The following TBCK variants were observed in gnomAD, a reference collection of about 807,000 sequenced individuals.
The protein encoded by TBCK is TBC domain-containing protein kinase-like protein.
Under a neutral mutation model 113.4 loss-of-function variants are expected in TBCK, and 99 were observed. The ratio of observed to expected loss-of-function variants is 0.87; its 90% CI spans 0.74 to 1.03. The LOEUF is 1.03. Ranked by LOEUF, TBCK falls within the 50% of genes least tolerant of loss-of-function variation. The pLI, the probability that TBCK is intolerant of heterozygous loss-of-function variation, is 0.00. For missense variants in TBCK, 1,045 were observed against 1,061.3 expected (o/e 0.98, Z 0.21); for synonymous variants, 369 against 370.8 (o/e 1.00, Z 0.05).
intron 25 of TBCK, among the ~76,000 whole-genome samples, chr4:106,058,302 G>A (rs1230111522): frequency 6.6e-6 from 1 of 151,776 alleles, no homozygotes; most frequent in Non-Finnish European, 1.5e-5. Flanking sequence ...AGTAAGTGGA[G>A]CATGAAAAGT....
At chr4:106,153,338 T>A (rs1748736507) in intron 23 of TBCK, among the ~76,000 whole-genome samples, 1 of 152,118 alleles carries the variant, frequency 6.6e-6, no homozygotes, top group Admixed American at 6.6e-5. Context: ...AAGAGCATGC[T>A]GTTTAATTTC....
chr4:106,185,963 ATAAG>A (rs1271031391), intron 22 of TBCK, among the ~76,000 whole-genome samples: 1 of 152,092 alleles, frequency 6.6e-6, no homozygotes, highest in Non-Finnish European at 1.5e-5. Flanking sequence ...GTTTCTACTT[ATAAG>A]TGAGAACATG....
At chr4:106,279,224 T>C (rs1283443215) in intron 3 of TBCK, among the ~76,000 whole-genome samples, 2 of 152,214 alleles carry the variant, frequency 1.3e-5, no homozygotes, top group Non-Finnish European at 2.9e-5. Context: ...AAGGAACTGA[T>C]TGAATACAGA....
At chr4:106,089,026 G>A (rs1373991066) in intron 25 of TBCK, among the ~76,000 whole-genome samples, 1 of 129,464 alleles carries the variant, frequency 7.7e-6, no homozygotes, top group Non-Finnish European at 1.6e-5. Flanking sequence ...TGCATGTTCT[G>A]TACATGTATC....
chr4:106,060,894 G>C (rs934884325), intron 25 of TBCK, among the ~76,000 whole-genome samples: 1 of 151,844 alleles, frequency 6.6e-6, no homozygotes, highest in South Asian at 2.1e-4. Flanking sequence ...TGACTTTGAG[G>C]AGTTCAAGAC....
intron 25 of TBCK, among the ~76,000 whole-genome samples, chr4:106,064,526 A>G (rs1578787322): frequency 6.6e-6 from 1 of 151,902 alleles, no homozygotes; most frequent in East Asian, 1.9e-4. Context: ...ATTTAAGGGT[A>G]AGATGAACTG....
chr4:106,114,701 T>C (rs944806493), intron 24 of TBCK, among the ~76,000 whole-genome samples: 6 of 152,222 alleles, frequency 3.9e-5, no homozygotes, highest in Admixed American at 2.6e-4. Flanking sequence ...GAAATATCTT[T>C]AAGATTAAAA....
At chr4:106,235,228 T>G (rs780245578) in intron 15 of TBCK, 41 bp downstream of exon 15, 1 of 1,374,236 alleles carries the variant, frequency 7.3e-7, no homozygotes, top group East Asian at 2.4e-5. Flanking sequence ...ATCCTTTCTT[T>G]GCATAATTAA....
At chr4:106,165,020 T>C (rs1750207630) in intron 23 of TBCK, among the ~76,000 whole-genome samples, 1 of 151,732 alleles carries the variant, frequency 6.6e-6, no homozygotes, top group Non-Finnish European at 1.5e-5. Flanking sequence ...GGTTAGTATA[T>C]GTATTCATAA....
intron 25 of TBCK, among the ~76,000 whole-genome samples, chr4:106,085,130 C>G (rs1233388927): frequency 2.6e-5 from 4 of 152,046 alleles, no homozygotes; most frequent in Non-Finnish European, 5.9e-5. Context: ...CTAAATGCCC[C>G]AATTAAAAGA....
At chr4:106,109,020 C>T (rs1328311288) in intron 24 of TBCK, among the ~76,000 whole-genome samples, 7 of 129,528 alleles carry the variant, frequency 5.4e-5, no homozygotes, top group African/African-American at 9.2e-5. Context: ...CACACACATA[C>T]ACACACACAC....
At chr4:106,272,836 C>A (rs1310423597) in intron 3 of TBCK, among the ~76,000 whole-genome samples, 1 of 152,002 alleles carries the variant, frequency 6.6e-6, no homozygotes, top group African/African-American at 2.4e-5. Flanking sequence ...TTGCATATAG[C>A]AAAGATGTAA....
At chr4:106,079,166 A>T (rs1738567462) in intron 25 of TBCK, among the ~76,000 whole-genome samples, 1 of 152,188 alleles carries the variant, frequency 6.6e-6, no homozygotes, top group Admixed American at 6.5e-5. Context: ...CATCAAAAAA[A>T]CATACCTCAA....
At chr4:106,051,674 C>T (rs557099696) in intron 25 of TBCK, among the ~76,000 whole-genome samples, 5 of 151,780 alleles carry the variant, frequency 3.3e-5, no homozygotes, top group African/African-American at 4.8e-5. Context: ...ATGCTTCACA[C>T]AAATTAGGTG....
chr4:106,169,916 C>T (rs1182797239), intron 23 of TBCK, among the ~76,000 whole-genome samples: 1 of 152,004 alleles, frequency 6.6e-6, no homozygotes, highest in African/African-American at 2.4e-5. Context: ...ATTTGTGCTC[C>T]TATGAGACTG....
At chr4:106,196,533 TCAAGAA>T (rs1754258464) in intron 20 of TBCK, among the ~76,000 whole-genome samples, 3 of 151,958 alleles carry the variant, frequency 2.0e-5, no homozygotes, top group Non-Finnish European at 4.4e-5. Context: ...AAGATGACAG[TCAAGAA>T]CTTTATAAGT....
intron 23 of TBCK, among the ~76,000 whole-genome samples, chr4:106,169,389 C>T (rs549322597): frequency 6.6e-6 from 1 of 152,130 alleles, no homozygotes; most frequent in South Asian, 2.1e-4. Flanking sequence ...AATCAACCCA[C>T]ATAAATACAA....
intron 25 of TBCK, among the ~76,000 whole-genome samples, chr4:106,064,821 A>T (rs1209899098): frequency 2.6e-5 from 4 of 151,986 alleles, no homozygotes; most frequent in Non-Finnish European, 4.4e-5. Context: ...CCAGTTTTCC[A>T]GTCTGAGACC....
At chr4:106,233,521 G>T in intron 16 of TBCK, 67 bp downstream of exon 16, 4 of 1,275,046 alleles carry the variant, frequency 3.1e-6, no homozygotes, top group Non-Finnish European at 3.4e-6. Flanking sequence ...CTTTCTTCAT[G>T]CTCCTTCCTA....
Sources: allele counts gnomAD v4.1 joint callset (sites outside exome capture counted in the v4.1 genomes callset), GRCh38; gene constraint gnomAD v4.1.1; transcripts MANE v1.5; gene names NCBI Gene and HGNC (gene_info 2026-07-23, HGNC 2026-07-21).